ITGA9: variants seen among roughly 807,000 people sequenced by gnomAD.
ITGA9 encodes integrin subunit alpha 9.
In ITGA9, 56 loss-of-function variants were observed where a neutral mutation model predicts 127.8. The observed-to-expected ratio is 0.44, with a 90% CI of 0.35 to 0.55. ITGA9 has a LOEUF of 0.55. ITGA9 is among the 20% of genes least tolerant of loss of function. The probability of loss-of-function intolerance (pLI) is 0.00; values close to 1 mark genes in which losing one functional copy is unlikely to be tolerated. For missense variants in ITGA9, 1,196 were observed against 1,347.1 expected, an observed-to-expected ratio of 0.89 and a Z score of 1.76; for synonymous variants, 508 against 514.5, an observed-to-expected ratio of 0.99 and a Z score of 0.17.
At chr3:37,564,948 G>C (rs974978079) in intron 15 of ITGA9, among the ~76,000 whole-genome samples, 1 of 152,204 alleles carries the variant, frequency 6.6e-6, no homozygotes, top group Admixed American at 6.5e-5. Context: ...AGGTTAAAGG[G>C]TTTGAACAAA....
chr3:37,593,136 A>G (rs1699836246), intron 15 of ITGA9, among the ~76,000 whole-genome samples: 1 of 152,206 alleles, frequency 6.6e-6, no homozygotes, highest in Non-Finnish European at 1.5e-5. Flanking sequence ...TTCCCAATGG[A>G]TACCAAAATT....
chr3:37,741,590 A>G, intron 20 of ITGA9, 140 bp from the exon 21 acceptor site: 2 of 717,172 alleles, frequency 2.8e-6, no homozygotes, highest in Non-Finnish European at 5.1e-6. Context: ...ATGTACAGGG[A>G]CCAAAAACAG....
At chr3:37,521,123 GA>G (rs1030458727) in intron 11 of ITGA9, among the ~76,000 whole-genome samples, 1 of 150,190 alleles carries the variant, frequency 6.7e-6, no homozygotes, top group African/African-American at 2.4e-5. Context: ...GGCTCTTAAG[GA>G]AAAAAAAAGA....
At chr3:37,628,193 G>A (rs1444443048) in intron 15 of ITGA9, among the ~76,000 whole-genome samples, 2 of 152,162 alleles carry the variant, frequency 1.3e-5, no homozygotes, top group African/African-American at 4.8e-5. Context: ...GGACTCGGCT[G>A]TTTGAGCCAC....
chr3:37,469,110 A>C (rs1698401455), intron 1 of ITGA9, among the ~76,000 whole-genome samples: 1 of 152,180 alleles, frequency 6.6e-6, no homozygotes, highest in East Asian at 1.9e-4. Flanking sequence ...GCTTACTGCC[A>C]TTTCCCCCGT....
intron 23 of ITGA9, among the ~76,000 whole-genome samples, chr3:37,769,204 G>A (rs560303933): frequency 2.0e-5 from 3 of 152,108 alleles, no homozygotes; most frequent in South Asian, 2.1e-4. Flanking sequence ...CAGGCATGGT[G>A]GCACACACCC....
intron 15 of ITGA9, among the ~76,000 whole-genome samples, chr3:37,615,548 C>T (rs2125628241): frequency 6.6e-6 from 1 of 152,310 alleles, no homozygotes; most frequent in Admixed American, 6.5e-5. Context: ...ATAGTCCCAG[C>T]TCCTCCTTGT....
In ITGA9 at chr3:37,823,132, G is replaced by A. The variant is rs1471818282; in HGVS notation, c.*4143G>A. 1 of 152,216 alleles carries A rather than the reference G, an allele frequency of 6.6e-6. No individual in the cohort carries two copies. Among genetic ancestry groups the A allele is most frequent in the African/African-American group, 2.4e-5 (1 of 41,448 alleles). 9.4% of individuals were successfully genotyped at this position (152,216 alleles called of 1,614,324 possible). ...AATTTTCAGCACATGGGGGGAATAA[G>A]TGAACAAATTTCCCAACATCGTGCA... On this transcript the variant is annotated 3_prime_UTR_variant, in exon 28 of 28. Transcript: ENST00000264741.
chr3:37,527,343 A>T (rs1408836604), intron 13 of ITGA9, among the ~76,000 whole-genome samples: 1 of 152,260 alleles, frequency 6.6e-6, no homozygotes, highest in African/African-American at 2.4e-5. Context: ...TATCTGCAGT[A>T]CATGTAAAAT....
At chr3:37,490,297 T>C (rs1432418941) in intron 4 of ITGA9, among the ~76,000 whole-genome samples, 1 of 152,134 alleles carries the variant, frequency 6.6e-6, no homozygotes, top group Non-Finnish European at 1.5e-5. Context: ...AACTTTAAAA[T>C]GGAAAATCAA....
chr3:37,468,612 G>A (rs1438136409), intron 1 of ITGA9, among the ~76,000 whole-genome samples: 1 of 152,148 alleles, frequency 6.6e-6, no homozygotes, highest in Non-Finnish European at 1.5e-5. Flanking sequence ...CAAGACCAGG[G>A]TGCAGTGAAT....
rs371316874 is a variant in ITGA9 at position 37,794,602 on chromosome 3, CCT to C, written c.2890-9211_2890-9210del. Reference sequence around the variant, plus strand: ...TCGCTTGAGGTAAATGAGCTCCATCCCTCTCTCTCTCAAGAGCAATGTGAGGA... The same window carrying C: ...TCGCTTGAGGTAAATGAGCTCCATCCCTCTCTCTCAAGAGCAATGTGAGGA... On this transcript the variant is annotated intron_variant, in intron 26 of 27. Transcript: ENST00000264741. Among the ~76,000 whole-genome samples, 112 of 152,162 alleles carry C rather than the reference CCT, an allele frequency of 7.4e-4. 1 individual carries two copies. The South Asian group carries it at 0.022, about 30-fold the overall frequency.
chr3:37,511,678 T>A (rs1460228437), intron 8 of ITGA9, among the ~76,000 whole-genome samples: 2 of 152,206 alleles, frequency 1.3e-5, no homozygotes, highest in African/African-American at 4.8e-5. Flanking sequence ...CCTCTGTGAT[T>A]TCAACCCTTT....
At chr3:37,546,604 T>A (rs1448172549) in intron 15 of ITGA9, among the ~76,000 whole-genome samples, 1 of 152,206 alleles carries the variant, frequency 6.6e-6, no homozygotes, top group Non-Finnish European at 1.5e-5. Flanking sequence ...ACTGTCATCT[T>A]CCTGACTTCT....
chr3:37,726,476 A>G (rs7618925), intron 18 of ITGA9, among the ~76,000 whole-genome samples: 67,051 of 152,106 alleles, frequency 0.44, 15,142 homozygotes, highest in South Asian at 0.56. Flanking sequence ...GTCTAGACTG[A>G]CATCAAATGC....
At chr3:37,547,497 A>C (rs1699337828) in intron 15 of ITGA9, among the ~76,000 whole-genome samples, 1 of 152,122 alleles carries the variant, frequency 6.6e-6, no homozygotes, top group Non-Finnish European at 1.5e-5. Flanking sequence ...CAATCACATT[A>C]CATGCTGTGG....
chr3:37,770,831 T>G (rs1350546119), intron 23 of ITGA9, among the ~76,000 whole-genome samples: 1 of 152,204 alleles, frequency 6.6e-6, no homozygotes, highest in Non-Finnish European at 1.5e-5. Context: ...CACCAAGTGA[T>G]GGCCACTCCT....
chr3:37,776,954 C>T (rs962028268), intron 23 of ITGA9, among the ~76,000 whole-genome samples: 1 of 152,176 alleles, frequency 6.6e-6, no homozygotes, highest in Admixed American at 6.5e-5. Context: ...AGCAGATCAT[C>T]CATCAGGCTT....
rs1161514980 is a variant in ITGA9, at chr3:37,490,972, C to CCA, written c.545-3528_545-3527insAC. ...TTGGGTCTCAGATTTGGCTTCCCCC[C>CCA]CGCTTTTTTTTTTTTTTTTTTTGAG... On this transcript the variant is annotated intron_variant, in intron 4 of 27. Transcript: ENST00000264741. Among the ~76,000 whole-genome samples the CCA allele has an allele frequency of 7.4e-5, 10 of 135,946 alleles. No individual in the cohort carries two copies. In the East Asian group the frequency reaches 7.5e-4, roughly 10 times the overall value. The allele number at this position is 135,946 out of a possible 152,430, so 89.2% of individuals were successfully genotyped here.
Sources: gnomAD v4.1 joint callset for allele counts (sites outside exome capture counted in the v4.1 genomes callset) on GRCh38, gnomAD v4.1.1 for gene constraint, MANE v1.5 for transcripts, NCBI Gene and HGNC (gene_info 2026-07-23, HGNC 2026-07-21) for gene names.